The following AQP1 variants were observed in gnomAD, a reference collection of about 807,000 sequenced individuals.
AQP1 encodes aquaporin-1.
AQP1 carries 11 observed loss-of-function variants against 19.7 expected under a neutral mutation model. That is an observed-to-expected ratio of 0.56 (90% CI 0.35 to 0.92). The LOEUF (loss-of-function observed/expected upper bound fraction) is 0.92. AQP1 is among the 40% of genes least tolerant of loss of function. The pLI is 0.01. For synonymous variants in AQP1, 159 were observed against 166.7 expected (o/e 0.95, Z 0.36); for missense variants, 320 against 369.7 (o/e 0.87, Z 1.10).
At chr7:30,920,416 G>C (rs1791469268) in intron 1 of AQP1, among the ~76,000 whole-genome samples, 1 of 152,118 alleles carries the variant, frequency 6.6e-6, no homozygotes, top group Admixed American at 6.5e-5. Flanking sequence ...TCCTAACTCT[G>C]GGCAGGCTTC....
At chr7:30,916,170 G>A (rs939236529) in intron 1 of AQP1, among the ~76,000 whole-genome samples, 5 of 152,328 alleles carry the variant, frequency 3.3e-5, no homozygotes, top group African/African-American at 1.2e-4. Context: ...GAACTCTGAA[G>A]GGGCCATGCT....
chr7:30,916,820 C>T (rs1486006439), intron 1 of AQP1, among the ~76,000 whole-genome samples: 3 of 152,096 alleles, frequency 2.0e-5, no homozygotes, highest in African/African-American at 7.2e-5. Flanking sequence ...GGGGCTGTCT[C>T]TAAGTCAATA....
intron 1 of AQP1, among the ~76,000 whole-genome samples, chr7:30,920,142 G>A (rs180759050): frequency 6.6e-6 from 1 of 152,300 alleles, no homozygotes; most frequent in African/African-American, 2.4e-5. Flanking sequence ...GGTCACATCT[G>A]TGAGGGATGG....
Position 30,923,678 on chromosome 7 carries a change from C to CGCAG in AQP1, c.*50_*51insCAGG. 1 of 590,562 alleles carries CGCAG rather than the reference C, an allele frequency of 1.7e-6. No individual in the cohort carries two copies. Among genetic ancestry groups the CGCAG allele is most frequent in the East Asian group, 1.1e-4 (1 of 9,160 alleles). 36.6% of individuals were successfully genotyped at this position (590,562 alleles called of 1,614,324 possible). The stretch of plus-strand genomic sequence containing the variant: ...CGTAGGGGGCAGGGGCAGGGGCGGG[C>CGCAG]GGAGGGAGGGGAGGGGTGAAATCCA... On this transcript the variant is annotated 3_prime_UTR_variant, in exon 4 of 4. Coordinates refer to ENST00000311813, the MANE Select transcript of AQP1 (RefSeq NM_198098.4). The surrounding 1 kb of genome is among the most constrained non-coding windows in gnomAD (Gnocchi z 4.8).
Position 30,919,949 on chromosome 7 carries a change from C to T in AQP1, c.385-2117C>T, listed in dbSNP as rs765839. 2.9e-3 allele frequency among the ~76,000 whole-genome samples: 442 copies of T among 152,104 alleles called. 2 individuals carry two copies. Among genetic ancestry groups the T allele is most frequent in the African/African-American group, 0.01 (416 of 41,448 alleles). ...CAGCCCATGTGGTTCTCAGCAGTCA[C>T]GAAGGCACATTCCAGAATTCCCAGG... On this transcript the variant is annotated intron_variant, in intron 1 of 3. Transcript: ENST00000311813.
intron 3 of AQP1, among the ~76,000 whole-genome samples, chr7:30,922,976 C>T (rs1791566628): frequency 6.6e-6 from 1 of 152,232 alleles, no homozygotes; most frequent in Non-Finnish European, 1.5e-5. Context: ...GCTTTGGTTT[C>T]CTGAGCTGCG....
chr7:30,916,548 G>A (rs1010275341), intron 1 of AQP1, among the ~76,000 whole-genome samples: 18 of 152,248 alleles, frequency 1.2e-4, no homozygotes, highest in Admixed American at 7.8e-4. Flanking sequence ...GATGAGAGGG[G>A]CTCCTTGCCC....
chr7:30,919,969 C>T (rs1015461155), intron 1 of AQP1, among the ~76,000 whole-genome samples: 1 of 152,184 alleles, frequency 6.6e-6, no homozygotes, highest in Admixed American at 6.5e-5. Flanking sequence ...TTCCAGAATT[C>T]CCAGGGCAGG....
chr7:30,919,555 A>C (rs28362727), intron 1 of AQP1, among the ~76,000 whole-genome samples: 57,367 of 146,120 alleles, frequency 0.39, 12,584 homozygotes, highest in African/African-American at 0.63. Flanking sequence ...TCTGATTCTT[A>C]CTTTTTTTTT....
chr7:30,922,259 TG>T, intron 2 of AQP1, 29 bp downstream of exon 2: 1 of 1,366,734 alleles, frequency 7.3e-7, no homozygotes, highest in Non-Finnish European at 9.8e-7. Flanking sequence ...CAGATGGAGG[TG>T]GGGGAAGGGA....
At chr7:30,918,135 C>G (rs1451749656) in intron 1 of AQP1, among the ~76,000 whole-genome samples, 2 of 152,046 alleles carry the variant, frequency 1.3e-5, no homozygotes, top group Non-Finnish European at 2.9e-5. Flanking sequence ...GCTGGGACCA[C>G]AGGCCACCAC....
At chr7:30,913,939 A>G (rs572489495) in intron 1 of AQP1, among the ~76,000 whole-genome samples, 188 of 152,256 alleles carry the variant, frequency 1.2e-3, no homozygotes, top group Middle Eastern at 6.8e-3. Context: ...TTGGCTGGGT[A>G]TGATGGGCTG....
chr7:30,917,235 T>C (rs1321742218), intron 1 of AQP1, among the ~76,000 whole-genome samples: 1 of 152,204 alleles, frequency 6.6e-6, no homozygotes, highest in East Asian at 1.9e-4. Context: ...ACATGTGCTC[T>C]TACGTGGAGG....
intron 1 of AQP1, among the ~76,000 whole-genome samples, chr7:30,915,111 C>T (rs1019397512): frequency 2.6e-5 from 4 of 152,154 alleles, no homozygotes; most frequent in Admixed American, 2.6e-4. Context: ...TGTGGCTGGG[C>T]TCTGAGAAGT....
rs1424356551 is a variant in AQP1, at chr7:30,911,968, C to G, written c.59C>G (p.Ala20Gly). 3 of 1,613,514 alleles carry G rather than the reference C, an allele frequency of 1.9e-6. No homozygotes were observed. In the South Asian group the frequency reaches 3.3e-5, roughly 18 times the overall value. Reference sequence around the variant, plus strand: ...AGGGCAGTGGTGGCCGAGTTCCTGGCCACGACCCTCTTTGTCTTCATCAGC... The same window carrying G: ...AGGGCAGTGGTGGCCGAGTTCCTGGGCACGACCCTCTTTGTCTTCATCAGC... ...FWRAVVAEFL[A>G]TTLFVFISIG... Residue 20 changes from alanine to glycine, a missense_variant, in exon 1 of 4, where the codon GCC becomes GGC. By Grantham distance (60) the Ala-to-Gly change is moderately conservative. Transcript: ENST00000311813.
intron 1 of AQP1, among the ~76,000 whole-genome samples, chr7:30,915,740 C>T (rs978389628): frequency 6.6e-6 from 1 of 152,210 alleles, no homozygotes; most frequent in Non-Finnish European, 1.5e-5. Context: ...CCTGCAGCAT[C>T]AGGGGCCTGA....
At chr7:30,914,026 C>T (rs908363435) in intron 1 of AQP1, among the ~76,000 whole-genome samples, 4 of 152,152 alleles carry the variant, frequency 2.6e-5, no homozygotes, top group Admixed American at 2.6e-4. Flanking sequence ...TCTCACAGGG[C>T]GGAGCCTCTG....
Position 30,924,701 on chromosome 7 carries a change from G to C in AQP1, c.*1072G>C, listed in dbSNP as rs1278325187. The C allele has an allele frequency of 6.6e-6, 1 of 152,286 alleles. No homozygotes were observed. Among genetic ancestry groups the C allele is most frequent in the African/African-American group, 2.4e-5 (1 of 41,474 alleles). The allele number at this position is 152,286 out of a possible 1,614,324, so 9.4% of individuals were successfully genotyped here. ...CAAAGCCTGAGGACAGAAAGACCCT[G>C]ATGCAGGTCAGCCCATGGAGGCAGA... is the stretch of plus-strand genomic sequence containing the variant. On this transcript the variant is annotated 3_prime_UTR_variant, in exon 4 of 4. Coordinates refer to ENST00000311813, the MANE Select transcript of AQP1 (RefSeq NM_198098.4).
rs890159776 is a variant in AQP1, at chr7:30,912,988, G to A, written c.384+695G>A. ...AGGTGTGGCGTGTGTGTGCATGTGC[G>A]TGTGCGTGTGTGTGTGTGAAGGTGT... On this transcript the variant is annotated intron_variant, in intron 1 of 3. Transcript: ENST00000311813. The surrounding 1 kb of genome is among the most constrained non-coding windows in gnomAD (Gnocchi z 4.3). 1.1e-4 allele frequency among the ~76,000 whole-genome samples: 16 copies of A among 152,106 alleles called. No homozygotes were observed. Among genetic ancestry groups the A allele is most frequent in the African/African-American group, 2.4e-4 (10 of 41,492 alleles).
Sources: allele counts gnomAD v4.1 joint callset (sites outside exome capture counted in the v4.1 genomes callset), GRCh38; gene constraint gnomAD v4.1.1; non-coding constraint Gnocchi (gnomAD v3.1); transcripts MANE v1.5; gene names NCBI Gene and HGNC (gene_info 2026-07-23, HGNC 2026-07-21).